ARHGAP42: variants seen among roughly 807,000 people sequenced by gnomAD.
ARHGAP42 encodes Rho GTPase activating protein 42.
A neutral mutation model predicts 125.0 loss-of-function variants in ARHGAP42; 63 were observed. That is an observed-to-expected ratio of 0.50 (90% CI 0.41 to 0.62). The LOEUF (loss-of-function observed/expected upper bound fraction) is 0.62, where lower values mean the gene tolerates loss of function less well. Among genes scored for constraint, ARHGAP42 ranks in the 20% least tolerant of loss-of-function variants. The pLI, the probability that ARHGAP42 is intolerant of heterozygous loss-of-function variation, is 0.00. For synonymous variants in ARHGAP42, 339 were observed against 351.0 expected (o/e 0.97, Z 0.38); for missense variants, 766 against 1,024.2 (o/e 0.75, Z 3.44).
At chr11:100,980,551 T>TTCC (rs1858508672) in intron 22 of ARHGAP42, among the ~76,000 whole-genome samples, 1 of 69,648 alleles carries the variant, frequency 1.4e-5, no homozygotes, top group Non-Finnish European at 2.5e-5. Context: ...ATACTTCTTT[T>TTCC]TCTTCTTCTT....
chr11:100,924,657 ACT>A (rs1867371977), intron 6 of ARHGAP42, among the ~76,000 whole-genome samples: 1 of 151,832 alleles, frequency 6.6e-6, no homozygotes, highest in Non-Finnish European at 1.5e-5. Context: ...ACAGAGTAAC[ACT>A]CTGTCTCAAT....
At chr11:100,739,148 TTTTTTG>T (rs138093254) in intron 1 of ARHGAP42, among the ~76,000 whole-genome samples, 3,933 of 152,244 alleles carry the variant, frequency 0.026, 65 homozygotes, top group Non-Finnish European at 0.031. Flanking sequence ...TAGAGTCTTT[TTTTTTG>T]TTTTTGTTTT....
At chr11:100,749,721 A>G (rs2120352804) in intron 1 of ARHGAP42, among the ~76,000 whole-genome samples, 1 of 152,268 alleles carries the variant, frequency 6.6e-6, no homozygotes, top group South Asian at 2.1e-4. Context: ...GTAGCTACAG[A>G]ACCACAGAGA....
At chr11:100,791,452 T>C (rs1336502054) in intron 2 of ARHGAP42, among the ~76,000 whole-genome samples, 1 of 152,208 alleles carries the variant, frequency 6.6e-6, no homozygotes, top group African/African-American at 2.4e-5. Context: ...TTTGATATTA[T>C]TATAAATGAA....
At chr11:100,826,829 G>T (rs1017602305) in intron 3 of ARHGAP42, among the ~76,000 whole-genome samples, 2 of 152,022 alleles carry the variant, frequency 1.3e-5, no homozygotes. Flanking sequence ...TTTGCCGTTG[G>T]TTTTCTATAC....
intron 1 of ARHGAP42, among the ~76,000 whole-genome samples, chr11:100,717,207 A>G (rs1180964038): frequency 2.0e-5 from 3 of 152,192 alleles, no homozygotes; most frequent in African/African-American, 7.2e-5. Flanking sequence ...CTGTCCTGGC[A>G]CTCAGGTTCT....
intron 4 of ARHGAP42, among the ~76,000 whole-genome samples, chr11:100,882,121 G>A (rs1262188122): frequency 6.6e-6 from 1 of 152,104 alleles, no homozygotes; most frequent in Non-Finnish European, 1.5e-5. Context: ...AGGACTTCCG[G>A]CACTATGTTG....
At chr11:100,774,769 C>A (rs1863077386) in intron 2 of ARHGAP42, among the ~76,000 whole-genome samples, 1 of 152,190 alleles carries the variant, frequency 6.6e-6, no homozygotes, top group Non-Finnish European at 1.5e-5. Context: ...GAAAGTTGTT[C>A]TGGGAGGGTG....
At chr11:100,774,207 A>C (rs1221495402) in intron 2 of ARHGAP42, among the ~76,000 whole-genome samples, 2 of 152,210 alleles carry the variant, frequency 1.3e-5, no homozygotes, top group African/African-American at 2.4e-5. Flanking sequence ...AGATTACACC[A>C]AGCTGTTCTA....
In ARHGAP42 at chr11:100,712,253, G is replaced by A. The variant is rs545643062; in HGVS notation, c.154+24421G>A. On this transcript the variant is annotated intron_variant, in intron 1 of 23. Coordinates refer to ENST00000298815, the MANE Select transcript of ARHGAP42 (RefSeq NM_152432.4). Reference sequence around the variant, plus strand: ...AGTTTGGGAACTGTGCTTTTAACCTGTATAAATAATTAGAATTTACTTATA... The same window carrying A: ...AGTTTGGGAACTGTGCTTTTAACCTATATAAATAATTAGAATTTACTTATA... Among the ~76,000 whole-genome samples the A allele has an allele frequency of 3.3e-5, 5 of 152,182 alleles. No homozygotes were observed. In the South Asian group the frequency reaches 1.0e-3, roughly 32 times the overall value.
At position 100,715,788 on chromosome 11, in the gene ARHGAP42, C is replaced by T. The variant is rs184461685; in HGVS notation, c.154+27956C>T. 3.7e-4 allele frequency among the ~76,000 whole-genome samples: 57 copies of T among 152,246 alleles called. No individual in the cohort carries two copies. In the East Asian group the frequency reaches 7.4e-3, roughly 20 times the overall value. ...GGGATTGATACTGGTGCACTGTATT[C>T]TACTTCACATTAGGGGCCTTATAAA... is the stretch of plus-strand genomic sequence containing the variant. On this transcript the variant is annotated intron_variant, in intron 1 of 23. Coordinates refer to ENST00000298815, the MANE Select transcript of ARHGAP42 (RefSeq NM_152432.4).
chr11:100,914,932 T>C (rs1468597163), intron 5 of ARHGAP42, among the ~76,000 whole-genome samples: 2 of 152,194 alleles, frequency 1.3e-5, no homozygotes, highest in Non-Finnish European at 2.9e-5. Flanking sequence ...GATGCCTTTT[T>C]TTTCCAACAG....
At chr11:100,763,779 C>G (rs566883909) in intron 1 of ARHGAP42, among the ~76,000 whole-genome samples, 1 of 152,052 alleles carries the variant, frequency 6.6e-6, no homozygotes, top group Admixed American at 6.5e-5. Context: ...CGTGAGCCAC[C>G]GTGCCCGGCT....
In ARHGAP42 at chr11:100,979,632, C is replaced by A. The variant is rs538773160; in HGVS notation, c.2456+583C>A. 1.6e-4 allele frequency among the ~76,000 whole-genome samples: 24 copies of A among 151,970 alleles called. No homozygotes were observed. The South Asian group carries it at 2.9e-3, about 18-fold the overall frequency. ...TACTCTTCTTGCTTTCAAATTTATT[C>A]TTGATCTACAGTGGGCTTCGGTTTT... On this transcript the variant is annotated intron_variant, in intron 22 of 23. Coordinates refer to ENST00000298815, the MANE Select transcript of ARHGAP42 (RefSeq NM_152432.4).
At position 100,987,577 on chromosome 11, in the gene ARHGAP42, G is replaced by A; in HGVS notation, c.2521G>A (p.Ala841Thr). ...HSHELSFPQG[A>T]IFSNVYPSVE... ...TCATGAGCTTTCCTTCCCACAAGGA[G>A]CAATATTTTCTAATGGTAAGTATGT... Residue 841 changes from alanine (A) to threonine (T), a missense_variant, in exon 23 of 24, where the codon GCA becomes ACA. Around this residue, in one of 3 missense-constraint regions of ARHGAP42, gnomAD observed 308 missense variants for 369.7 expected, o/e 0.83. Transcript: ENST00000298815. 1 of 1,551,632 alleles carries A rather than the reference G, an allele frequency of 6.4e-7. No individual in the cohort carries two copies. The highest frequency in any genetic ancestry group is 8.7e-7 in the Non-Finnish European group (1 of 1,146,852).
At chr11:100,922,004 G>A (rs1867286082) in intron 6 of ARHGAP42, among the ~76,000 whole-genome samples, 1 of 152,016 alleles carries the variant, frequency 6.6e-6, no homozygotes, top group Admixed American at 6.6e-5. Context: ...TGGGGGACAG[G>A]TGAGCTGAGA....
At chr11:100,705,977 CTTTTTTTT>C (rs34731514) in intron 1 of ARHGAP42, among the ~76,000 whole-genome samples, 16 of 112,060 alleles carry the variant, frequency 1.4e-4, no homozygotes, top group African/African-American at 4.2e-4. Flanking sequence ...AGTTAAGTAA[CTTTTTTTT>C]TTTTTTTTTT....
intron 5 of ARHGAP42, among the ~76,000 whole-genome samples, chr11:100,915,649 A>G (rs1346494389): frequency 1.3e-5 from 2 of 152,208 alleles, no homozygotes; most frequent in African/African-American, 4.8e-5. Flanking sequence ...GCTATGGTAT[A>G]ATAGAATATT....
intron 3 of ARHGAP42, among the ~76,000 whole-genome samples, chr11:100,858,086 G>GGTGTGTGTGT (rs201861404): frequency 0.062 from 6,714 of 108,878 alleles, 257 homozygotes; most frequent in East Asian, 0.22. Flanking sequence ...TCTGGATAGG[G>GGTGTGTGTGT]GTGTGTGTGT....
Sources: allele counts gnomAD v4.1 joint callset (sites outside exome capture counted in the v4.1 genomes callset), GRCh38; gene constraint gnomAD v4.1.1; regional missense constraint gnomAD v4.1.1; transcripts MANE v1.5; gene names NCBI Gene and HGNC (gene_info 2026-07-23, HGNC 2026-07-21).